PLEKHG1: variants seen among roughly 807,000 people sequenced by gnomAD.
PLEKHG1 encodes the protein pleckstrin homology domain-containing family G member 1.
In PLEKHG1, 44 loss-of-function variants were observed where a neutral mutation model predicts 100.8. The ratio of observed to expected loss-of-function variants is 0.44; its 90% CI spans 0.34 to 0.56. The LOEUF is 0.56. Among genes scored for constraint, PLEKHG1 ranks in the 20% least tolerant of loss-of-function variants. The pLI is 0.01. For synonymous variants in PLEKHG1, 640 were observed against 662.5 expected, an observed-to-expected ratio of 0.97 and a Z score of 0.52; for missense variants, 1,545 against 1,720.9, an observed-to-expected ratio of 0.90 and a Z score of 1.81.
At chr6:150,687,869 G>C (rs1412892382) in intron 3 of PLEKHG1, among the ~76,000 whole-genome samples, 1 of 152,188 alleles carries the variant, frequency 6.6e-6, no homozygotes, top group Non-Finnish European at 1.5e-5. Context: ...GGCATGCTCT[G>C]ATCTATAGCT....
intron 3 of PLEKHG1, among the ~76,000 whole-genome samples, chr6:150,769,602 AAGAAAG>A (rs1163317150): frequency 1.3e-5 from 2 of 148,436 alleles, no homozygotes; most frequent in African/African-American, 4.9e-5. Flanking sequence ...AAAAAAAAAA[AAGAAAG>A]AAAAAAGAAA....
chr6:150,716,419 G>A (rs1410976236), upstream of PLEKHG1, among the ~76,000 whole-genome samples: 1 of 152,138 alleles, frequency 6.6e-6, no homozygotes, highest in East Asian at 1.9e-4. Flanking sequence ...TTCTAAACCT[G>A]CCTTATCCAA....
At chr6:150,631,950 G>A (rs1279682428) in intron 1 of PLEKHG1, among the ~76,000 whole-genome samples, 1 of 152,136 alleles carries the variant, frequency 6.6e-6, no homozygotes, top group Non-Finnish European at 1.5e-5. Context: ...CTGCTTCCTC[G>A]GCCACTGCCA....
At chr6:150,644,493 G>A (rs950155746) in intron 2 of PLEKHG1, among the ~76,000 whole-genome samples, 4 of 151,398 alleles carry the variant, frequency 2.6e-5, no homozygotes, top group East Asian at 1.9e-4. Context: ...TCCCACACCC[G>A]GCTAATTTTT....
chr6:150,694,922 C>T (rs275350), intron 3 of PLEKHG1, among the ~76,000 whole-genome samples: 1 of 151,852 alleles, frequency 6.6e-6, no homozygotes, highest in Non-Finnish European at 1.5e-5. Context: ...TTTTATACAT[C>T]TAAAGTTTTA....
chr6:150,611,167 T>C (rs1776811090), intron 1 of PLEKHG1, among the ~76,000 whole-genome samples: 1 of 152,218 alleles, frequency 6.6e-6, no homozygotes, highest in South Asian at 2.1e-4. Flanking sequence ...TTGGTCCACT[T>C]CTTTATGTCT....
At chr6:150,678,443 T>C (rs1030188795) in intron 3 of PLEKHG1, among the ~76,000 whole-genome samples, 1 of 152,138 alleles carries the variant, frequency 6.6e-6, no homozygotes, top group African/African-American at 2.4e-5. Flanking sequence ...AGGAATTGTT[T>C]CACTAGATCT....
chr6:150,676,123 A>T (rs1209902942), intron 3 of PLEKHG1, among the ~76,000 whole-genome samples: 1 of 152,238 alleles, frequency 6.6e-6, no homozygotes, highest in Non-Finnish European at 1.5e-5. Flanking sequence ...AAGGGCAAAG[A>T]TGCACATATT....
intron 1 of PLEKHG1, among the ~76,000 whole-genome samples, chr6:150,732,296 C>T (rs1782310471): frequency 6.6e-6 from 1 of 151,794 alleles, no homozygotes. Context: ...GATTTTATAA[C>T]TGTACTTGTG....
intron 3 of PLEKHG1, among the ~76,000 whole-genome samples, chr6:150,715,899 G>A (rs1482372933): frequency 6.8e-6 from 1 of 147,796 alleles, no homozygotes; most frequent in Non-Finnish European, 1.5e-5. Flanking sequence ...ACGAGGTCAG[G>A]AGATCGAGAC....
At chr6:150,822,529 A>T (rs1776365114) in intron 13 of PLEKHG1, among the ~76,000 whole-genome samples, 1 of 152,230 alleles carries the variant, frequency 6.6e-6, no homozygotes. Context: ...AAAAATGCCC[A>T]TGCAGTTGGA....
chr6:150,836,039 T>G (rs1777204382), intron 15 of PLEKHG1, among the ~76,000 whole-genome samples: 1 of 152,214 alleles, frequency 6.6e-6, no homozygotes, highest in Non-Finnish European at 1.5e-5. Flanking sequence ...CCACTCCCAG[T>G]GGTATGGTCT....
chr6:150,735,979 C>T (rs1446220239), intron 2 of PLEKHG1, among the ~76,000 whole-genome samples: 4 of 152,198 alleles, frequency 2.6e-5, no homozygotes, highest in East Asian at 1.9e-4. Flanking sequence ...AAGCTGTCCA[C>T]GTGTTCTTGC....
intron 3 of PLEKHG1, among the ~76,000 whole-genome samples, chr6:150,659,238 T>C (rs1342546540): frequency 6.6e-6 from 1 of 152,216 alleles, no homozygotes; most frequent in Non-Finnish European, 1.5e-5. Context: ...GTCAGGTGTC[T>C]GGTCTAAAAC....
At chr6:150,606,601 C>T (rs1385349094) in intron 1 of PLEKHG1, among the ~76,000 whole-genome samples, 1 of 152,172 alleles carries the variant, frequency 6.6e-6, no homozygotes, top group Non-Finnish European at 1.5e-5. Flanking sequence ...AAACTTGAAT[C>T]CTAGTCAAGA....
At chr6:150,843,101 G>C (rs977161050) in exon 16 of PLEKHG1, 3 of 152,142 alleles carry the variant, frequency 2.0e-5, no homozygotes, top group Non-Finnish European at 1.5e-5. Context: ...AAGCTGTTTC[G>C]CATTTTCGCT....
At chr6:150,614,709 G>T (rs561560100) in intron 1 of PLEKHG1, among the ~76,000 whole-genome samples, 1 of 152,186 alleles carries the variant, frequency 6.6e-6, no homozygotes, top group Non-Finnish European at 1.5e-5. Context: ...TCTCTCATTC[G>T]CTCTTTAGGG....
intron 3 of PLEKHG1, chr6:150,664,314 C>T (rs563826207): frequency 1.3e-5 from 2 of 152,310 alleles, no homozygotes; most frequent in East Asian, 1.9e-4. Context: ...ACTCAATGCC[C>T]GCACTGATGG....
At chr6:150,807,445 C>T (rs1029523098) in intron 7 of PLEKHG1, among the ~76,000 whole-genome samples, 2 of 152,096 alleles carry the variant, frequency 1.3e-5, no homozygotes, top group African/African-American at 4.8e-5. Flanking sequence ...TGTTTTCAAC[C>T]AGTAAAGTTT....
Sources: gnomAD v4.1 joint callset for allele counts (sites outside exome capture counted in the v4.1 genomes callset) on GRCh38, gnomAD v4.1.1 for gene constraint, MANE v1.5 for transcripts, NCBI Gene and HGNC (gene_info 2026-07-23, HGNC 2026-07-21) for gene names.